NUP43: variants seen among roughly 807,000 people sequenced by gnomAD.
NUP43 encodes nucleoporin 43.
In NUP43, 32 loss-of-function variants were observed where a neutral mutation model predicts 47.3. The observed-to-expected ratio is 0.68, with a 90% confidence interval of 0.51 to 0.91. The LOEUF is 0.91. Among genes scored for constraint, NUP43 ranks in the 40% least tolerant of loss-of-function variants. The probability of loss-of-function intolerance (pLI) is 0.00; values close to 1 mark genes in which losing one functional copy is unlikely to be tolerated. For synonymous variants in NUP43, 147 were observed against 158.4 expected (o/e 0.93, Z 0.54); for missense variants, 444 against 453.9 (o/e 0.98, Z 0.20).
At chr6:149,737,503 C>A (rs1301733115) in intron 5 of NUP43, among the ~76,000 whole-genome samples, 1 of 152,120 alleles carries the variant, frequency 6.6e-6, no homozygotes, top group Admixed American at 6.5e-5. Flanking sequence ...TCTCAAACTT[C>A]TCACCGCAGA....
At chr6:149,746,273 T>A in intron 1 of NUP43, 103 bp downstream of exon 1, 1 of 1,520,534 alleles carries the variant, frequency 6.6e-7, no homozygotes, top group South Asian at 1.2e-5. Context: ...GACCTAAAAG[T>A]GCGAGAAGAA....
chr6:149,724,727 A>G lies in NUP43; in HGVS notation c.*2242T>C, dbSNP rs1020539241. ...GCCTCCCAAGTAGCTGGGATTATAG[A>G]TGCCTGCCACCACGCCCGGTTAATT... On this transcript the variant is annotated 3_prime_UTR_variant, in exon 8 of 8. Transcript: ENST00000340413. The G allele has an allele frequency of 6.6e-6, 1 of 151,634 alleles. No homozygotes were observed. The highest frequency in any genetic ancestry group is 1.5e-5 in the Non-Finnish European group (1 of 67,970). The allele number at this position is 151,634 out of a possible 1,614,324, so 9.4% of individuals were successfully genotyped here. A position where few individuals can be genotyped will look rare whatever the true frequency, so the allele number is the denominator to read the frequency against.
upstream of NUP43, chr6:149,746,642 G>A (rs1204887707): frequency 6.3e-6 from 10 of 1,584,310 alleles, no homozygotes; most frequent in South Asian, 2.3e-5. Flanking sequence ...TAGCCAGTGT[G>A]GGCACAGTCA....
chr6:149,737,105 G>A (rs540145305), intron 5 of NUP43, among the ~76,000 whole-genome samples: 238 of 152,154 alleles, frequency 1.6e-3, no homozygotes, highest in African/African-American at 5.3e-3. Flanking sequence ...CCAAAATGGC[G>A]AAACCCCATC....
chr6:149,748,795 C>G, upstream of NUP43, among the ~76,000 whole-genome samples: 1 of 121,474 alleles, frequency 8.2e-6, no homozygotes. Flanking sequence ...GGCGACAGAG[C>G]GAGACTCCGT....
intron 3 of NUP43, among the ~76,000 whole-genome samples, chr6:149,742,930 C>A (rs1339991471): frequency 6.6e-6 from 1 of 152,162 alleles, no homozygotes; most frequent in Non-Finnish European, 1.5e-5. Flanking sequence ...AATCCTAGCA[C>A]TTTGGGAGGC....
At chr6:149,729,512 T>C in intron 7 of NUP43, 1 of 983,638 alleles carries the variant, frequency 1.0e-6, no homozygotes, top group Non-Finnish European at 1.2e-6. Flanking sequence ...AGGGAGCGCC[T>C]TTTCTCCTAA....
At chr6:149,735,549 C>T (rs995115790) in intron 6 of NUP43, among the ~76,000 whole-genome samples, 1 of 140,312 alleles carries the variant, frequency 7.1e-6, no homozygotes, top group Non-Finnish European at 1.5e-5. Flanking sequence ...GAGCTATGAT[C>T]ACACCACTAC....
At chr6:149,740,545 C>T (rs189528598) in intron 4 of NUP43, among the ~76,000 whole-genome samples, 124 of 152,190 alleles carry the variant, frequency 8.1e-4, no homozygotes, top group Admixed American at 3.5e-3. Context: ...TGGAGAATCG[C>T]GTGAACCCAG....
chr6:149,735,609 A>AAC (rs1249143938), intron 6 of NUP43, among the ~76,000 whole-genome samples: 7 of 150,318 alleles, frequency 4.7e-5, no homozygotes, highest in African/African-American at 1.5e-4. Context: ...AAAAAAAAAA[A>AAC]AAAAAAAAAA....
chr6:149,736,402 T>C, intron 6 of NUP43, 69 bp downstream of exon 6: 2 of 1,115,162 alleles, frequency 1.8e-6, no homozygotes, highest in South Asian at 2.6e-5. Flanking sequence ...TGTATCATTA[T>C]GGAAAGGTGC....
chr6:149,725,231 GC>G lies in NUP43; in HGVS notation c.*1737del, dbSNP rs1784749482. 1 of 152,258 alleles carries G rather than the reference GC, an allele frequency of 6.6e-6. No homozygotes were observed. The highest frequency in any genetic ancestry group is 1.5e-5 in the Non-Finnish European group (1 of 68,076). 9.4% of individuals were successfully genotyped at this position (152,258 alleles called of 1,614,324 possible). A position where few individuals can be genotyped will look rare whatever the true frequency, so the allele number is the denominator to read the frequency against. ...CCAGCACTTTGGGAGGCCGAGGCGG[GC>G]TGATTACCTGTGGTCAGGAGTTCGA... On this transcript the variant is annotated 3_prime_UTR_variant, in exon 8 of 8. Transcript: ENST00000340413.
upstream of NUP43, among the ~76,000 whole-genome samples, chr6:149,748,603 A>C (rs1238211449): frequency 3.8e-4 from 57 of 151,966 alleles, no homozygotes; most frequent in Non-Finnish European, 2.9e-5. Flanking sequence ...AGGTCAGGAG[A>C]TCGAGACCAT....
intron 5 of NUP43, among the ~76,000 whole-genome samples, chr6:149,737,578 A>G (rs991300657): frequency 1.3e-5 from 2 of 152,122 alleles, no homozygotes; most frequent in African/African-American, 4.8e-5. Flanking sequence ...AACATGTTTT[A>G]TATGGTAACT....
intron 5 of NUP43, 80 bp downstream of exon 5, chr6:149,738,563 T>C: frequency 9.3e-7 from 1 of 1,076,670 alleles, no homozygotes; most frequent in Non-Finnish European, 1.3e-6. Flanking sequence ...AAATTCAATA[T>C]GGCTTAAAGC....
chr6:149,732,033 T>C (rs1211905197), intron 6 of NUP43, among the ~76,000 whole-genome samples: 1 of 151,006 alleles, frequency 6.6e-6, no homozygotes, highest in East Asian at 2.0e-4. Context: ...AATACAAAAG[T>C]TAGCCAGGCG....
chr6:149,727,695 C>T (rs1037067367), intron 7 of NUP43: 49 of 917,070 alleles, frequency 5.3e-5, no homozygotes, highest in African/African-American at 2.5e-4. Flanking sequence ...AAAATATAAT[C>T]GCCTTACCTC....
chr6:149,746,446 C>T lies in NUP43; in HGVS notation c.50G>A (p.Arg17His), dbSNP rs1338740429. 5 of 1,614,134 alleles carry T rather than the reference C, an allele frequency of 3.1e-6. No homozygotes were observed. The South Asian group carries it at 5.5e-5, about 18-fold the overall frequency. ...KFVSQKISKT[R>H]WRPLPPGSLQ... is the part of the protein sequence containing the mutation. ...ACTTCCCGGAGGCAGCGGTCGCCAG[C>T]GGGTTTTGCTGATTTTCTGGGACAC... The change falls in exon 1 of 8, where the codon CGC becomes CAC. Residue 17 changes from arginine (R) to histidine (H), a missense_variant. By Grantham distance (29) the Arg-to-His change is conservative. Transcript: ENST00000340413.
Position 149,746,460 on chromosome 6 carries a change from T to C in NUP43, c.36A>G (p.Lys12=). The change falls in exon 1 of 8, where the codon AAA becomes AAG. Residue 12 remains lysine (K), a synonymous_variant. Transcript: ENST00000340413. ...GCGGTCGCCAGCGGGTTTTGCTGAT[T>C]TTCTGGGACACAAACTTCGCATAAA... is the stretch of plus-strand genomic sequence containing the variant. ...EEIYAKFVSQ[K]ISKTRWRPLP... 2 of 1,614,190 alleles carry C rather than the reference T, an allele frequency of 1.2e-6. No individual in the cohort carries two copies. The highest frequency in any genetic ancestry group is 2.2e-5 in the South Asian group (2 of 91,084).
Sources: gnomAD v4.1 joint callset for allele counts (sites outside exome capture counted in the v4.1 genomes callset) on GRCh38, gnomAD v4.1.1 for gene constraint, MANE v1.5 for transcripts, NCBI Gene and HGNC (gene_info 2026-07-23, HGNC 2026-07-21) for gene names.